Variants in ELOVL4 observed in about 807,000 individuals in gnomAD.
ELOVL4 encodes the protein ELOVL fatty acid elongase 4.
In ELOVL4, 18 loss-of-function variants were observed where a neutral mutation model predicts 42.1. The observed-to-expected ratio is 0.43, with a 90% CI of 0.30 to 0.63. The LOEUF (loss-of-function observed/expected upper bound fraction) is 0.63. Ranked by LOEUF, ELOVL4 falls within the 30% of genes least tolerant of loss-of-function variation. The pLI is 0.15. For synonymous variants in ELOVL4, 117 were observed against 127.0 expected, an observed-to-expected ratio of 0.92 and a Z score of 0.53; for missense variants, 299 against 376.2, an observed-to-expected ratio of 0.79 and a Z score of 1.70.
At chr6:79,917,225 G>A (rs528311347) in intron 5 of ELOVL4, among the ~76,000 whole-genome samples, 6 of 152,218 alleles carry the variant, frequency 3.9e-5, no homozygotes, top group Admixed American at 1.3e-4. Context: ...GACTCTAGAA[G>A]GCAGGGCTTT....
rs369181629 is a variant in ELOVL4, at chr6:79,915,119, G to A, written c.*1489C>T. On this transcript the variant is annotated 3_prime_UTR_variant, in exon 6 of 6. Coordinates refer to ENST00000369816, the MANE Select transcript of ELOVL4 (RefSeq NM_022726.4). ...AAACAGCATACATCCTACACATGCA[G>A]CTTTGACATGTTGTTGAGATACTTA... 13 of 152,468 alleles carry A rather than the reference G, an allele frequency of 8.5e-5. No individual in the cohort carries two copies. The highest frequency in any genetic ancestry group is 2.9e-4 in the African/African-American group (12 of 41,434). 9.4% of individuals were successfully genotyped at this position (152,468 alleles called of 1,614,324 possible).
In ELOVL4 at chr6:79,916,459, CTT is replaced by C; in HGVS notation, c.*147_*148del. The C allele has an allele frequency of 1.2e-6, 1 of 854,806 alleles. No homozygotes were observed. Among genetic ancestry groups the C allele is most frequent in the Non-Finnish European group, 1.9e-6 (1 of 531,810 alleles). The allele number at this position is 854,806 out of a possible 1,614,324, so 53.0% of individuals were successfully genotyped here. ...AAAACATCTGGGTATGGTATTAACA[CTT>C]TACTCAGTCTAAGAGTTACTAGGAC... On this transcript the variant is annotated 3_prime_UTR_variant, in exon 6 of 6. Transcript: ENST00000369816.
intron 5 of ELOVL4, among the ~76,000 whole-genome samples, chr6:79,917,568 C>T (rs936996794): frequency 6.6e-6 from 1 of 152,042 alleles, no homozygotes; most frequent in Non-Finnish European, 1.5e-5. Flanking sequence ...GCCTGCAATC[C>T]CAGCACTCTG....
intron 4 of ELOVL4, among the ~76,000 whole-genome samples, chr6:79,920,366 G>A (rs1774233133): frequency 6.6e-6 from 1 of 152,158 alleles, no homozygotes. Context: ...AAAGACAGGA[G>A]GCAGATCTTG....
rs1168483827 is a variant in ELOVL4, at chr6:79,921,459, CAAAAAAAAAAAAAA to C, written c.541+152_541+165del. ...CTGGTGACAGAGCGAGACTCCATCT[CAAAAAAAAAAAAAA>C]AAAAAAAAAAAAAAAAGAAATGAAC... On this transcript the variant is annotated intron_variant, in intron 4 of 5. Transcript: ENST00000369816. Among the ~76,000 whole-genome samples, 17 of 42,390 alleles carry C rather than the reference CAAAAAAAAAAAAAA, an allele frequency of 4.0e-4. No individual in the cohort carries two copies. In the East Asian group the frequency reaches 9.6e-3, roughly 24 times the overall value. 27.8% of individuals were successfully genotyped at this position (42,390 alleles called of 152,430 possible). A position where few individuals can be genotyped will look rare whatever the true frequency, so the allele number is the denominator to read the frequency against.
intron 4 of ELOVL4, among the ~76,000 whole-genome samples, chr6:79,921,322 G>A (rs533747401): frequency 1.1e-3 from 169 of 151,606 alleles, no homozygotes; most frequent in African/African-American, 3.9e-3. Flanking sequence ...TTAGCTAGGC[G>A]TGGTGGTGTG....
chr6:79,932,417 C>T (rs192860480), intron 1 of ELOVL4, among the ~76,000 whole-genome samples: 6 of 151,950 alleles, frequency 3.9e-5, no homozygotes, highest in East Asian at 1.9e-4. Flanking sequence ...TGGTGGTGTG[C>T]GCCTGTAATC....
At chr6:79,928,213 T>A (rs534700791) in intron 1 of ELOVL4, among the ~76,000 whole-genome samples, 1 of 152,170 alleles carries the variant, frequency 6.6e-6, no homozygotes, top group Non-Finnish European at 1.5e-5. Flanking sequence ...TGGTATCCTG[T>A]TCTTTTCCAC....
intron 1 of ELOVL4, among the ~76,000 whole-genome samples, chr6:79,941,214 C>T (rs1005570299): frequency 6.6e-6 from 1 of 152,114 alleles, no homozygotes; most frequent in African/African-American, 2.4e-5. Flanking sequence ...TACAGATTAC[C>T]TAATTTAACC....
At chr6:79,935,811 A>C (rs188764499) in intron 1 of ELOVL4, among the ~76,000 whole-genome samples, 1 of 152,284 alleles carries the variant, frequency 6.6e-6, no homozygotes, top group Admixed American at 6.5e-5. Context: ...TTCTTTTTCC[A>C]TAACAGTACA....
At chr6:79,931,833 G>A (rs1774450602) in intron 1 of ELOVL4, among the ~76,000 whole-genome samples, 1 of 152,182 alleles carries the variant, frequency 6.6e-6, no homozygotes, top group Non-Finnish European at 1.5e-5. Context: ...CCTGAATTCA[G>A]GAAATTTCTA....
intron 1 of ELOVL4, among the ~76,000 whole-genome samples, chr6:79,941,239 A>G (rs1159949384): frequency 6.6e-6 from 1 of 152,182 alleles, no homozygotes; most frequent in Non-Finnish European, 1.5e-5. Context: ...TAATTTACAG[A>G]GAACAATGCT....
intron 3 of ELOVL4, 89 bp downstream of exon 3, chr6:79,924,862 TA>T (rs1373342575): frequency 5.8e-5 from 49 of 841,652 alleles, no homozygotes; most frequent in African/African-American, 1.2e-4. Flanking sequence ...AACTGTCTCT[TA>T]AAAAAAAGTA....
Position 79,943,916 on chromosome 6 carries a change from C to T in ELOVL4, c.100+3264G>A, listed in dbSNP as rs79537127. ...ACTACCAAGTAGACAATTTTTTTCA[C>T]CAAAATGCAGGGTACTATATCTGCG... On this transcript the variant is annotated intron_variant, in intron 1 of 5. Transcript: ENST00000369816. Among the ~76,000 whole-genome samples, 716 of 151,818 alleles carry T rather than the reference C, an allele frequency of 4.7e-3. 9 individuals carry two copies. The highest frequency in any genetic ancestry group is 0.016 in the African/African-American group (681 of 41,476).
chr6:79,922,748 T>C (rs1774279634), intron 3 of ELOVL4, among the ~76,000 whole-genome samples: 1 of 152,206 alleles, frequency 6.6e-6, no homozygotes, highest in South Asian at 2.1e-4. Context: ...ATTTTATACC[T>C]GCACCTGGTA....
chr6:79,925,508 T>C (rs1207903083), intron 2 of ELOVL4, among the ~76,000 whole-genome samples: 1 of 152,244 alleles, frequency 6.6e-6, no homozygotes, highest in Non-Finnish European at 1.5e-5. Context: ...CTAGCATTAC[T>C]AGTCAGTTCT....
chr6:79,928,728 T>C (rs954278921), intron 1 of ELOVL4, among the ~76,000 whole-genome samples: 1 of 45,038 alleles, frequency 2.2e-5, no homozygotes, highest in East Asian at 4.0e-4. Flanking sequence ...GGTGACTGGG[T>C]TTTTTTTTTT....
At position 79,926,256 on chromosome 6, in the gene ELOVL4, G is replaced by A. The variant is rs371760799; in HGVS notation, c.226C>T (p.Arg76Cys). 79 of 1,613,746 alleles carry A rather than the reference G, an allele frequency of 4.9e-5. 1 individual carries two copies. The highest frequency in any genetic ancestry group is 6.3e-5 in the Non-Finnish European group (74 of 1,179,946). Residue 76 changes from arginine (R) to cysteine (C), a missense_variant, in exon 2 of 6, where the codon CGT becomes TGT. Transcript: ENST00000369816. ...AAATTATAGATAATGAGCACTAGAC[G>A]CATCTGAAAAGGTTCTCGGTCCTTC... ...WMKDREPFQM[R>C]LVLIIYNFGM...
chr6:79,947,098 G>A, intron 1 of ELOVL4, 82 bp downstream of exon 1: 2 of 1,185,516 alleles, frequency 1.7e-6, no homozygotes, highest in Non-Finnish European at 2.4e-6. Flanking sequence ...GGCCTGTGGG[G>A]CCGGGCCCGG....
Sources: gnomAD v4.1 joint callset for allele counts (sites outside exome capture counted in the v4.1 genomes callset) on GRCh38, gnomAD v4.1.1 for gene constraint, MANE v1.5 for transcripts, NCBI Gene and HGNC (gene_info 2026-07-23, HGNC 2026-07-21) for gene names.